The following TATDN2 variants were observed in gnomAD, a reference collection of about 807,000 sequenced individuals.
TATDN2 encodes TatD DNase domain containing 2, also known as 3'-5' RNA nuclease TATDN2.
In TATDN2, 44 loss-of-function variants were observed where a neutral mutation model predicts 60.3. The ratio of observed to expected loss-of-function variants is 0.73; its 90% CI spans 0.57 to 0.94. The LOEUF (loss-of-function observed/expected upper bound fraction) is 0.94, where lower values mean the gene tolerates loss of function less well. Among genes scored for constraint, TATDN2 ranks in the 40% least tolerant of loss-of-function variants. The pLI is 0.00. For synonymous variants in TATDN2, 399 were observed against 355.8 expected (o/e 1.12, Z -1.37); for missense variants, 997 against 948.0 (o/e 1.05, Z -0.68).
At position 10,270,974 on chromosome 3, in the gene TATDN2, T is replaced by C; in HGVS notation, c.1792T>C (p.Tyr598His). The change falls in exon 4 of 8, where the codon TAC becomes CAC. Residue 598 changes from tyrosine to histidine, a missense_variant. Physicochemically the swap from Tyr to His is moderately conservative, Grantham distance 83. Transcript: ENST00000448281. ...GGCATTTGGAGAAATGGGCTTGGAT[T>C]ACTCTTACAAGTGCACCACGCCTGT... is the stretch of plus-strand genomic sequence containing the variant. ...AVAFGEMGLD[Y>H]SYKCTTPVPE... 1.2e-6 allele frequency: 2 copies of C among 1,610,796 alleles called. No homozygotes were observed. The highest frequency in any genetic ancestry group is 1.7e-6 in the Non-Finnish European group (2 of 1,178,736).
chr3:10,275,291 T>C (rs60887269), intron 4 of TATDN2, among the ~76,000 whole-genome samples: 4,661 of 152,302 alleles, frequency 0.031, 240 homozygotes, highest in African/African-American at 0.1. Flanking sequence ...TTAATACTTT[T>C]CTTTGTTCTA....
intron 3 of TATDN2, among the ~76,000 whole-genome samples, chr3:10,262,704 T>G (rs1698424595): frequency 6.6e-6 from 1 of 150,524 alleles, no homozygotes; most frequent in South Asian, 2.1e-4. Context: ...CCTGGCTAAT[T>G]TTGTATTTTT....
chr3:10,265,042 TG>T, intron 3 of TATDN2, among the ~76,000 whole-genome samples: 1 of 115,062 alleles, frequency 8.7e-6, no homozygotes, highest in Middle Eastern at 4.3e-3. Context: ...TTCCTGTGCG[TG>T]GTTTTTTTTT....
chr3:10,261,555 A>G (rs1233684460), intron 3 of TATDN2, among the ~76,000 whole-genome samples: 1 of 151,878 alleles, frequency 6.6e-6, no homozygotes, highest in Non-Finnish European at 1.5e-5. Context: ...TTTTTAGTAG[A>G]TATGGGATTT....
intron 3 of TATDN2, 27 bp from the exon 4 acceptor site, chr3:10,270,104 C>G: frequency 1.9e-6 from 3 of 1,586,558 alleles, no homozygotes; most frequent in Non-Finnish European, 2.6e-6. Flanking sequence ...AAGGCTAACC[C>G]ACTGTTGTAT....
intron 3 of TATDN2, among the ~76,000 whole-genome samples, chr3:10,265,802 A>G (rs188451212): frequency 6.6e-6 from 1 of 151,944 alleles, no homozygotes; most frequent in African/African-American, 2.4e-5. Flanking sequence ...CCAAGCATCA[A>G]CTTTTGTCCT....
intron 4 of TATDN2, among the ~76,000 whole-genome samples, chr3:10,274,213 G>A (rs1240570546): frequency 6.6e-6 from 1 of 152,134 alleles, no homozygotes; most frequent in Non-Finnish European, 1.5e-5. Flanking sequence ...GCATTCTAAT[G>A]AGTTCTTCTT....
chr3:10,260,023 A>G (rs1698375476), intron 2 of TATDN2, 114 bp from the exon 3 acceptor site: 2 of 1,260,146 alleles, frequency 1.6e-6, no homozygotes, highest in African/African-American at 1.5e-5. Context: ...TGCCTTAGCC[A>G]CAGTCACTTT....
chr3:10,257,234 T>G (rs1340284952), intron 2 of TATDN2, among the ~76,000 whole-genome samples: 1 of 150,150 alleles, frequency 6.7e-6, no homozygotes, highest in Non-Finnish European at 1.5e-5. Flanking sequence ...TGCAGCGAGC[T>G]GAGGTTACAC....
At chr3:10,276,113 A>G (rs1395936236) in intron 4 of TATDN2, among the ~76,000 whole-genome samples, 1 of 152,238 alleles carries the variant, frequency 6.6e-6, no homozygotes, top group African/African-American at 2.4e-5. Flanking sequence ...ACTTGCCCTC[A>G]CTGCATGCTG....
At chr3:10,273,041 A>G (rs1196592199) in intron 4 of TATDN2, among the ~76,000 whole-genome samples, 4 of 152,128 alleles carry the variant, frequency 2.6e-5, no homozygotes, top group African/African-American at 7.2e-5. Flanking sequence ...AGACAAAATT[A>G]TCAGGGTCTC....
At chr3:10,263,893 A>G (rs969491062) in intron 3 of TATDN2, among the ~76,000 whole-genome samples, 1 of 152,178 alleles carries the variant, frequency 6.6e-6, no homozygotes, top group Non-Finnish European at 1.5e-5. Context: ...TCCCCTTGCC[A>G]TGTCACTGCT....
At chr3:10,274,283 T>C (rs1474334481) in intron 4 of TATDN2, among the ~76,000 whole-genome samples, 2 of 152,224 alleles carry the variant, frequency 1.3e-5, no homozygotes, top group Non-Finnish European at 2.9e-5. Context: ...TGTAATGTTA[T>C]TGTTCCTTGG....
At chr3:10,266,931 C>CTTTTTTTTTTTTTTTTTT (rs199956355) in intron 3 of TATDN2, among the ~76,000 whole-genome samples, 2 of 126,904 alleles carry the variant, frequency 1.6e-5, no homozygotes, top group Non-Finnish European at 1.6e-5. Context: ...CTAAGGCAGT[C>CTTTTTTTTTTTTTTTTTT]TTTTTTTTTT....
In TATDN2 at chr3:10,259,218, A is replaced by G. The variant is rs113715952; in HGVS notation, c.415-919A>G. ...CGCCATGTTGGCCAGGCTTGTCTCGACCTCCTGGGTTCAAGCAGTCCACCT... is the reference window on the plus strand; with the variant it reads ...CGCCATGTTGGCCAGGCTTGTCTCGGCCTCCTGGGTTCAAGCAGTCCACCT... On this transcript the variant is annotated intron_variant, in intron 2 of 7. Coordinates refer to ENST00000448281, the MANE Select transcript of TATDN2 (RefSeq NM_014760.4). 1.1e-3 allele frequency among the ~76,000 whole-genome samples: 173 copies of G among 152,128 alleles called. 3 individuals are homozygous for G. The highest frequency in any genetic ancestry group is 3.9e-3 in the African/African-American group (160 of 41,484).
Position 10,249,291 on chromosome 3 carries a change from G to C in TATDN2, c.91G>C (p.Asp31His), listed in dbSNP as rs1191756904. Reference sequence around the variant, plus strand: ...GCGCAGCTGCCTCCGGGAGCCCTGTGATGTGGCCCCCTCCAGCCGGCCAGC... The same window carrying C: ...GCGCAGCTGCCTCCGGGAGCCCTGTCATGTGGCCCCCTCCAGCCGGCCAGC... ...RKRSCLREPC[D>H]VAPSSRPAQR... Residue 31 changes from aspartate (D) to histidine (H), a missense_variant, in exon 2 of 8, where the codon GAT (aspartate) becomes CAT (histidine). Coordinates refer to ENST00000448281, the MANE Select transcript of TATDN2 (RefSeq NM_014760.4). 6.2e-7 allele frequency: 1 copy of C among 1,603,824 alleles called. No individual in the cohort carries two copies. The highest frequency in any genetic ancestry group is 8.5e-7 in the Non-Finnish European group (1 of 1,173,508).
At chr3:10,259,195 C>G (rs1698361149) in intron 2 of TATDN2, among the ~76,000 whole-genome samples, 1 of 152,160 alleles carries the variant, frequency 6.6e-6, no homozygotes, top group African/African-American at 2.4e-5. Context: ...TGGGGTTTCG[C>G]CATGTTGGCC....
intron 3 of TATDN2, among the ~76,000 whole-genome samples, chr3:10,262,962 G>A (rs577369198): frequency 3.3e-5 from 5 of 152,006 alleles, no homozygotes; most frequent in South Asian, 2.1e-4. Flanking sequence ...GTCCAGTGGC[G>A]TGATCTCAGC....
At chr3:10,259,998 C>A in intron 2 of TATDN2, 139 bp from the exon 3 acceptor site, 2 of 979,484 alleles carry the variant, frequency 2.0e-6, no homozygotes, top group Non-Finnish European at 1.5e-6. Context: ...CACTTCACCA[C>A]CCGGAGAGAA....
Sources: gnomAD v4.1 joint callset for allele counts (sites outside exome capture counted in the v4.1 genomes callset) on GRCh38, gnomAD v4.1.1 for gene constraint, MANE v1.5 for transcripts, NCBI Gene and HGNC (gene_info 2026-07-23, HGNC 2026-07-21) for gene names.